KCNT2: variants seen among roughly 807,000 people sequenced by gnomAD.
The protein encoded by KCNT2 is potassium channel subfamily T member 2.
Under a neutral mutation model 153.8 loss-of-function variants are expected in KCNT2, and 67 were observed. The observed-to-expected ratio is 0.44, with a 90% confidence interval of 0.36 to 0.53. KCNT2 has a LOEUF of 0.53. KCNT2 is among the 20% of genes least tolerant of loss of function. The pLI is 0.00. For synonymous variants in KCNT2, 500 were observed against 458.8 expected (o/e 1.09, Z -1.15); for missense variants, 975 against 1,354.8 (o/e 0.72, Z 4.40).
chr1:196,263,506 G>A (rs750009927), intron 25 of KCNT2, among the ~76,000 whole-genome samples: 3 of 152,178 alleles, frequency 2.0e-5, no homozygotes, highest in Non-Finnish European at 1.5e-5. Context: ...GGCTAGGGGA[G>A]GGATAGCATT....
intron 13 of KCNT2, among the ~76,000 whole-genome samples, chr1:196,393,420 C>T (rs1268423559): frequency 6.6e-6 from 1 of 151,504 alleles, no homozygotes; most frequent in African/African-American, 2.4e-5. Context: ...AATTCACCTC[C>T]CACTGATTTT....
At chr1:196,413,881 C>T (rs973471939) in intron 12 of KCNT2, among the ~76,000 whole-genome samples, 2 of 151,398 alleles carry the variant, frequency 1.3e-5, no homozygotes, top group Non-Finnish European at 3.0e-5. Context: ...TTCAGAAATG[C>T]CCCCCTCCAA....
At chr1:196,286,312 T>C (rs1377560695) in intron 22 of KCNT2, among the ~76,000 whole-genome samples, 2 of 152,034 alleles carry the variant, frequency 1.3e-5, no homozygotes, top group Non-Finnish European at 2.9e-5. Flanking sequence ...AATTGCCTTT[T>C]TAAAAAAGAG....
chr1:196,423,031 A>G lies in KCNT2; in HGVS notation c.1185+19T>C. The stretch of plus-strand genomic sequence containing the variant: ...AAAATGGAAAGCACAACTTACTAAA[A>G]AAGATTTTAGAAACTTACAGATGAT... On this transcript the variant is annotated intron_variant, in intron 12 of 27. Transcript: ENST00000294725. The G allele has an allele frequency of 2.0e-6, 3 of 1,517,900 alleles. 1 individual carries two copies. In the South Asian group the frequency reaches 3.8e-5, roughly 19 times the overall value. 94.0% of individuals were successfully genotyped at this position (1,517,900 alleles called of 1,614,324 possible). A position where few individuals can be genotyped will look rare whatever the true frequency, so the allele number is the denominator to read the frequency against.
At chr1:196,460,664 A>G (rs1474031423) in intron 8 of KCNT2, among the ~76,000 whole-genome samples, 2 of 151,754 alleles carry the variant, frequency 1.3e-5, no homozygotes, top group African/African-American at 4.8e-5. Flanking sequence ...CATAATTTAG[A>G]CAGACTACAA....
At chr1:196,475,111 T>G (rs1678416481) in intron 5 of KCNT2, among the ~76,000 whole-genome samples, 1 of 152,218 alleles carries the variant, frequency 6.6e-6, no homozygotes, top group African/African-American at 2.4e-5. Flanking sequence ...ATTAAATGTA[T>G]TTTTAAATAT....
chr1:196,387,433 C>A (rs895511407), intron 13 of KCNT2, among the ~76,000 whole-genome samples: 1 of 151,914 alleles, frequency 6.6e-6, no homozygotes, highest in African/African-American at 2.4e-5. Context: ...TGCCAAAATT[C>A]ATCTATCATA....
At chr1:196,489,550 G>T (rs185928368) in intron 3 of KCNT2, among the ~76,000 whole-genome samples, 3 of 151,954 alleles carry the variant, frequency 2.0e-5, no homozygotes, top group Admixed American at 2.0e-4. Flanking sequence ...TCTTTAAAGA[G>T]ACTTACCCAT....
At position 196,545,781 on chromosome 1, in the gene KCNT2, T is replaced by C. The variant is rs1378391851; in HGVS notation, c.96-53440A>G. ...TGTGTTTTCATAGATTAGCCTATTC[T>C]AAATATTTCATGTAAATGAAATTGT... On this transcript the variant is annotated intron_variant, in intron 1 of 27. Transcript: ENST00000294725. Among the ~76,000 whole-genome samples, 3 of 147,726 alleles carry C rather than the reference T, an allele frequency of 2.0e-5. No homozygotes were observed. In the East Asian group the frequency reaches 6.3e-4, roughly 31 times the overall value.
intron 2 of KCNT2, among the ~76,000 whole-genome samples, chr1:196,491,342 A>G (rs1679845666): frequency 6.6e-6 from 1 of 152,030 alleles, no homozygotes; most frequent in African/African-American, 2.4e-5. Context: ...TCTGAGCAGT[A>G]TGACTTAAAT....
chr1:196,521,144 T>C (rs969371423), intron 1 of KCNT2, among the ~76,000 whole-genome samples: 1 of 151,922 alleles, frequency 6.6e-6, no homozygotes, highest in Non-Finnish European at 1.5e-5. Context: ...GACATAAACA[T>C]CAACTTTTCA....
At chr1:196,446,976 G>T (rs558867827) in intron 8 of KCNT2, among the ~76,000 whole-genome samples, 1 of 151,374 alleles carries the variant, frequency 6.6e-6, no homozygotes, top group Non-Finnish European at 1.5e-5. Flanking sequence ...AATATTTGTT[G>T]CAAGGTTCAA....
intron 19 of KCNT2, among the ~76,000 whole-genome samples, chr1:196,322,193 A>C (rs1202656228): frequency 6.6e-6 from 1 of 151,934 alleles, no homozygotes; most frequent in Non-Finnish European, 1.5e-5. Context: ...TGGGAATTAC[A>C]TTAAGGAAAA....
At chr1:196,484,675 T>C (rs1679276613) in intron 3 of KCNT2, among the ~76,000 whole-genome samples, 1 of 152,184 alleles carries the variant, frequency 6.6e-6, no homozygotes, top group Non-Finnish European at 1.5e-5. Flanking sequence ...CATTTAAGTC[T>C]TTAACCCATC....
intron 8 of KCNT2, among the ~76,000 whole-genome samples, chr1:196,439,523 A>G (rs1675035268): frequency 6.6e-6 from 1 of 152,004 alleles, no homozygotes; most frequent in African/African-American, 2.4e-5. Flanking sequence ...GGTTTTCAAC[A>G]AATAGTTATT....
intron 8 of KCNT2, among the ~76,000 whole-genome samples, chr1:196,455,914 T>C (rs893184515): frequency 2.0e-5 from 3 of 152,066 alleles, no homozygotes; most frequent in Non-Finnish European, 4.4e-5. Context: ...CCAAGCTCTT[T>C]AGTTCATCCT....
chr1:196,257,174 T>C, intron 26 of KCNT2: 18 of 904,746 alleles, frequency 2.0e-5, no homozygotes, highest in Non-Finnish European at 2.4e-5. Context: ...TTATAAAGAG[T>C]AACAAGAATA....
intron 8 of KCNT2, among the ~76,000 whole-genome samples, chr1:196,440,399 CT>C (rs1424126924): frequency 2.6e-5 from 4 of 151,912 alleles, no homozygotes; most frequent in Non-Finnish European, 5.9e-5. Flanking sequence ...TGACATTTCA[CT>C]TTTTTTATTG....
At chr1:196,513,447 C>T (rs1311631542) in intron 1 of KCNT2, among the ~76,000 whole-genome samples, 3 of 152,198 alleles carry the variant, frequency 2.0e-5, no homozygotes, top group Admixed American at 6.6e-5. Context: ...TTTTAAAATG[C>T]ATGCTTCTGA....
Sources: gnomAD v4.1 joint callset for allele counts (sites outside exome capture counted in the v4.1 genomes callset) on GRCh38, gnomAD v4.1.1 for gene constraint, MANE v1.5 for transcripts, NCBI Gene and HGNC (gene_info 2026-07-23, HGNC 2026-07-21) for gene names.